Variants in RASAL2 observed in about 807,000 individuals in gnomAD.
RASAL2 encodes RAS protein activator like 2, also known as ras GTPase-activating protein nGAP.
A neutral mutation model predicts 128.9 loss-of-function variants in RASAL2; 58 were observed. The ratio of observed to expected loss-of-function variants is 0.45; its 90% CI spans 0.36 to 0.56. RASAL2 has a LOEUF of 0.56. Among genes scored for constraint, RASAL2 ranks in the 20% least tolerant of loss-of-function variants. The pLI is 0.00. For missense variants in RASAL2, 1,360 were observed against 1,601.6 expected (o/e 0.85, Z 2.57); for synonymous variants, 561 against 580.8 (o/e 0.97, Z 0.49).
chr1:178,329,714 G>A (rs147735054), intron 3 of RASAL2, among the ~76,000 whole-genome samples: 1 of 151,142 alleles, frequency 6.6e-6, no homozygotes, highest in East Asian at 1.9e-4. Flanking sequence ...GTATAAGAAG[G>A]GGTAAATTAA....
chr1:178,150,383 G>T (rs1163658186), intron 1 of RASAL2, among the ~76,000 whole-genome samples: 2 of 151,950 alleles, frequency 1.3e-5, no homozygotes, highest in Non-Finnish European at 2.9e-5. Flanking sequence ...ACAGGGTTTT[G>T]CCATGTTGGG....
At chr1:178,300,298 A>G (rs1430922803) in intron 3 of RASAL2, among the ~76,000 whole-genome samples, 180 bp downstream of exon 3, 4 of 152,224 alleles carry the variant, frequency 2.6e-5, no homozygotes, top group African/African-American at 9.6e-5. Context: ...AACTGACAGC[A>G]AAGTTATTTT....
intron 1 of RASAL2, among the ~76,000 whole-genome samples, chr1:178,201,595 T>G (rs557060982): frequency 1.3e-5 from 2 of 152,320 alleles, no homozygotes; most frequent in East Asian, 3.9e-4. Context: ...TGGGAATAAT[T>G]GGATTCCAGT....
At chr1:178,134,957 G>GT (rs1473684551) in intron 1 of RASAL2, among the ~76,000 whole-genome samples, 1 of 152,150 alleles carries the variant, frequency 6.6e-6, no homozygotes, top group African/African-American at 2.4e-5. Context: ...TCTGCTTATT[G>GT]TAAGAGTATT....
At chr1:178,099,969 A>AG (rs1658832342) in intron 1 of RASAL2, among the ~76,000 whole-genome samples, 2 of 152,072 alleles carry the variant, frequency 1.3e-5, no homozygotes, top group African/African-American at 4.8e-5. Context: ...CAAAAAAAAA[A>AG]CAAAATCATA....
At chr1:178,110,702 C>G (rs1051346666) in intron 1 of RASAL2, among the ~76,000 whole-genome samples, 1 of 148,164 alleles carries the variant, frequency 6.7e-6, no homozygotes, top group African/African-American at 2.5e-5. Flanking sequence ...ATTCTCATGC[C>G]TCAGCCTCCT....
intron 4 of RASAL2, among the ~76,000 whole-genome samples, chr1:178,408,619 G>T (rs28375817): frequency 0.048 from 6,826 of 141,346 alleles, 685 homozygotes; most frequent in African/African-American, 0.18. Context: ...TTTGTTTTTT[G>T]TTTTTTGTTT....
chr1:178,366,793 AC>A (rs1304939252), intron 3 of RASAL2, among the ~76,000 whole-genome samples: 14 of 152,212 alleles, frequency 9.2e-5, no homozygotes, highest in African/African-American at 3.4e-4. Flanking sequence ...ACATGGATGA[AC>A]CTAAGTAAAA....
At chr1:178,211,206 T>C (rs981731502) in intron 1 of RASAL2, among the ~76,000 whole-genome samples, 4 of 152,184 alleles carry the variant, frequency 2.6e-5, no homozygotes, top group Non-Finnish European at 5.9e-5. Context: ...CAAGAACTTC[T>C]TCACCATCTG....
intron 1 of RASAL2, among the ~76,000 whole-genome samples, chr1:178,250,466 C>T (rs1558141912): frequency 6.6e-6 from 1 of 152,352 alleles, no homozygotes; most frequent in African/African-American, 2.4e-5. Flanking sequence ...GACTGCTGTC[C>T]TGGCAGCAAG....
intron 1 of RASAL2, among the ~76,000 whole-genome samples, chr1:178,188,137 A>G (rs1662369883): frequency 6.6e-6 from 1 of 152,028 alleles, no homozygotes; most frequent in Non-Finnish European, 1.5e-5. Context: ...GTTTAATCCT[A>G]CTTACATACA....
At chr1:178,386,307 A>G (rs543872196) in intron 3 of RASAL2, among the ~76,000 whole-genome samples, 139 of 152,332 alleles carry the variant, frequency 9.1e-4, no homozygotes, top group Middle Eastern at 3.4e-3. Flanking sequence ...TTTTGCCTCA[A>G]AGCATATAAA....
rs58914415 is a variant in RASAL2, at chr1:178,242,423, TTCTCTCTCTCTCTCTCTCTCTCTCTC to T, written c.203-41107_203-41082del. Among the ~76,000 whole-genome samples the T allele has an allele frequency of 3.7e-3, 316 of 85,258 alleles. 6 individuals are homozygous for T. The highest frequency in any genetic ancestry group is 0.011 in the African/African-American group (254 of 22,840). The allele number at this position is 85,258 out of a possible 152,430, so 55.9% of individuals were successfully genotyped here. On this transcript the variant is annotated intron_variant, in intron 1 of 17. Coordinates refer to ENST00000367649, the MANE Select transcript of RASAL2 (RefSeq NM_170692.4). ...TGCTAATGACAATTTTTATAATTCA[TTCTCTCTCTCTCTCTCTCTCTCTCTC>T]TCTCTCTCTCTCTCTCTCTCTCTCT...
At position 178,457,994 on chromosome 1, in the gene RASAL2, C is replaced by G; in HGVS notation, c.2702C>G (p.Pro901Arg). Reference sequence around the variant, plus strand: ...ACCCAGAGCACTCCCCAAAGTGCACCCCAAGTGAGAAGGCCCCTGCACCCA... The same window carrying G: ...ACCCAGAGCACTCCCCAAAGTGCACGCCAAGTGAGAAGGCCCCTGCACCCA... ...RETQSTPQSA[P>R]QVRRPLHPAL... is the part of the protein sequence containing the mutation. The change falls in exon 14 of 18, where the codon CCC becomes CGC. Residue 901 changes from proline (P) to arginine (R), a missense_variant. By Grantham distance (103) the Pro-to-Arg change is moderately radical (BLOSUM62 -2). Transcript: ENST00000367649. 1 of 1,614,062 alleles carries G rather than the reference C, an allele frequency of 6.2e-7. No individual in the cohort carries two copies. The highest frequency in any genetic ancestry group is 8.5e-7 in the Non-Finnish European group (1 of 1,180,026).
intron 5 of RASAL2, among the ~76,000 whole-genome samples, chr1:178,428,376 G>A (rs1007619001): frequency 6.6e-5 from 10 of 151,700 alleles, no homozygotes; most frequent in African/African-American, 2.4e-4. Flanking sequence ...AAGAGGCTGT[G>A]CCATTTTACA....
chr1:178,273,551 A>G (rs746962685), intron 1 of RASAL2, among the ~76,000 whole-genome samples: 1 of 152,230 alleles, frequency 6.6e-6, no homozygotes, highest in Non-Finnish European at 1.5e-5. Flanking sequence ...GGCATTTTTA[A>G]TTTAGAACTT....
At chr1:178,356,124 T>C (rs376238522) in intron 3 of RASAL2, among the ~76,000 whole-genome samples, 1 of 142,356 alleles carries the variant, frequency 7.0e-6, no homozygotes, top group African/African-American at 2.7e-5. Context: ...GCCGAGATTG[T>C]GCCACTGCAC....
intron 3 of RASAL2, among the ~76,000 whole-genome samples, chr1:178,373,047 G>T (rs1671799293): frequency 6.6e-6 from 1 of 151,876 alleles, no homozygotes; most frequent in African/African-American, 2.4e-5. Context: ...TTATAAATTT[G>T]ATTTATCTTC....
chr1:178,161,349 A>G (rs1260093224), intron 1 of RASAL2, among the ~76,000 whole-genome samples: 1 of 152,134 alleles, frequency 6.6e-6, no homozygotes, highest in Non-Finnish European at 1.5e-5. Context: ...CCTATTCTGT[A>G]CTTTTCACAT....
Sources: allele counts gnomAD v4.1 joint callset (sites outside exome capture counted in the v4.1 genomes callset), GRCh38; gene constraint gnomAD v4.1.1; transcripts MANE v1.5; gene names NCBI Gene and HGNC (gene_info 2026-07-23, HGNC 2026-07-21).